ZDHHC14: variants seen among roughly 807,000 people sequenced by gnomAD.
ZDHHC14 encodes the protein palmitoyltransferase ZDHHC14.
ZDHHC14 carries 16 observed loss-of-function variants against 47.7 expected under a neutral mutation model. That is an observed-to-expected ratio of 0.34 (90% CI 0.23 to 0.51). The LOEUF (loss-of-function observed/expected upper bound fraction) is 0.51, where lower values mean the gene tolerates loss of function less well. Ranked by LOEUF, ZDHHC14 falls within the 20% of genes least tolerant of loss-of-function variation. ZDHHC14 has a pLI of 0.97. For missense variants in ZDHHC14, 515 were observed against 662.5 expected, an observed-to-expected ratio of 0.78 and a Z score of 2.44; for synonymous variants, 293 against 278.9, an observed-to-expected ratio of 1.05 and a Z score of -0.50.
chr6:157,387,108 G>T (rs923347285), intron 1 of ZDHHC14, among the ~76,000 whole-genome samples: 1 of 152,124 alleles, frequency 6.6e-6, no homozygotes, highest in Non-Finnish European at 1.5e-5. Context: ...ACTTGAAAAC[G>T]TGGGGACATT....
chr6:157,438,725 T>C (rs1316204629), intron 1 of ZDHHC14, among the ~76,000 whole-genome samples: 1 of 152,256 alleles, frequency 6.6e-6, no homozygotes, highest in Non-Finnish European at 1.5e-5. Flanking sequence ...GGCATTGTTT[T>C]TGAAATCCGA....
At position 157,632,961 on chromosome 6, in the gene ZDHHC14, A is replaced by G. The variant is rs571917966; in HGVS notation, c.752+79A>G. On this transcript the variant is annotated intron_variant, in intron 5 of 8. Transcript: ENST00000359775. ...TGACCTTCTGTGCGCACACCTCCTC[A>G]TCTTCTGCCCCGGCCTTGCTTCTCA... 3.6e-4 allele frequency: 520 copies of G among 1,445,102 alleles called. 1 individual carries two copies. The highest frequency in any genetic ancestry group is 1.4e-3 in the South Asian group (126 of 87,368). 89.5% of individuals were successfully genotyped at this position (1,445,102 alleles called of 1,614,324 possible).
At chr6:157,627,599 A>G (rs1165757663) in intron 3 of ZDHHC14, among the ~76,000 whole-genome samples, 1 of 152,216 alleles carries the variant, frequency 6.6e-6, no homozygotes, top group South Asian at 2.1e-4. Flanking sequence ...GATGATGCCC[A>G]TATCGGACCC....
At chr6:157,421,793 A>G (rs1399330236) in intron 1 of ZDHHC14, among the ~76,000 whole-genome samples, 1 of 152,032 alleles carries the variant, frequency 6.6e-6, no homozygotes, top group South Asian at 2.1e-4. Context: ...TTTTTAGTAG[A>G]GACGGGGTTT....
chr6:157,526,620 G>A (rs1327853179), intron 1 of ZDHHC14, among the ~76,000 whole-genome samples: 1 of 152,186 alleles, frequency 6.6e-6, no homozygotes, highest in Non-Finnish European at 1.5e-5. Flanking sequence ...TCACACACGA[G>A]TGTCTTCACA....
rs149138911 is a variant in ZDHHC14 at position 157,427,133 on chromosome 6, C to G, written c.245+44867C>G. On this transcript the variant is annotated intron_variant, in intron 1 of 8. Transcript: ENST00000359775. This position sits in a 1 kb window ranked among gnomAD's most constrained non-coding sequence, Gnocchi z 4.4. ...GAAGAGGGCGTGCAGGGCGGAGGGA[C>G]AAGGCTCAGGCGTAGACCTGGAGGG... Among the ~76,000 whole-genome samples, 5 of 151,790 alleles carry G rather than the reference C, an allele frequency of 3.3e-5. No homozygotes were observed. Among genetic ancestry groups the G allele is most frequent in the Non-Finnish European group, 7.4e-5 (5 of 67,916 alleles).
chr6:157,533,237 G>A (rs902821783), intron 1 of ZDHHC14, among the ~76,000 whole-genome samples: 1 of 152,174 alleles, frequency 6.6e-6, no homozygotes, highest in African/African-American at 2.4e-5. Flanking sequence ...GAACCAAGCA[G>A]ATACACGTCC....
In ZDHHC14 at chr6:157,404,653, G is replaced by A. The variant is rs546670537; in HGVS notation, c.245+22387G>A. On this transcript the variant is annotated intron_variant, in intron 1 of 8. Coordinates refer to ENST00000359775, the MANE Select transcript of ZDHHC14 (RefSeq NM_024630.3). ...TGACCGTTTCCTAGCAATGAGTCAA[G>A]GACAGAAAGTCCCTGGGGCAGGTGG... Among the ~76,000 whole-genome samples, 40 of 152,282 alleles carry A rather than the reference G, an allele frequency of 2.6e-4. 1 individual carries two copies. In the South Asian group the frequency reaches 8.3e-3, roughly 32 times the overall value.
chr6:157,627,785 G>A (rs571098431), intron 3 of ZDHHC14, among the ~76,000 whole-genome samples: 1 of 152,288 alleles, frequency 6.6e-6, no homozygotes, highest in South Asian at 2.1e-4. Context: ...TAACACCATC[G>A]TTTTCTTCAT....
chr6:157,416,972 G>GTTTGT (rs1777988757), intron 1 of ZDHHC14, among the ~76,000 whole-genome samples: 1 of 45,560 alleles, frequency 2.2e-5, no homozygotes, highest in Non-Finnish European at 3.5e-5. Flanking sequence ...TGCCTGGCTA[G>GTTTGT]TTTTTTTTTT....
At chr6:157,394,062 C>A (rs1221596454) in intron 1 of ZDHHC14, among the ~76,000 whole-genome samples, 2 of 152,208 alleles carry the variant, frequency 1.3e-5, no homozygotes, top group Non-Finnish European at 2.9e-5. Flanking sequence ...CCTGCAGTTT[C>A]TTCTCAATAG....
chr6:157,624,048 T>C (rs908638455), intron 3 of ZDHHC14, among the ~76,000 whole-genome samples: 1 of 152,222 alleles, frequency 6.6e-6, no homozygotes, highest in African/African-American at 2.4e-5. Context: ...ACAGAAAGTA[T>C]AGAAATAATA....
At chr6:157,439,735 G>A (rs929760705) in intron 1 of ZDHHC14, among the ~76,000 whole-genome samples, 4 of 152,036 alleles carry the variant, frequency 2.6e-5, no homozygotes, top group African/African-American at 4.8e-5. Context: ...CACTATTCAC[G>A]ATAGCAAAGA....
chr6:157,475,317 T>C (rs1373053599), intron 1 of ZDHHC14, among the ~76,000 whole-genome samples: 1 of 152,128 alleles, frequency 6.6e-6, no homozygotes, highest in Non-Finnish European at 1.5e-5. Context: ...GATGCCTCCA[T>C]CTTTTTTTGC....
At chr6:157,395,149 G>T (rs1404107060) in intron 1 of ZDHHC14, among the ~76,000 whole-genome samples, 1 of 150,034 alleles carries the variant, frequency 6.7e-6, no homozygotes, top group Non-Finnish European at 1.5e-5. Context: ...CTCACTCCTT[G>T]TCTCTATTTT....
At chr6:157,583,120 C>T (rs1452822310) in intron 2 of ZDHHC14, among the ~76,000 whole-genome samples, 1 of 151,978 alleles carries the variant, frequency 6.6e-6, no homozygotes, top group East Asian at 1.9e-4. Context: ...GCTTCTGTAT[C>T]ATTTTATTGC....
At chr6:157,414,210 C>T (rs1173677946) in intron 1 of ZDHHC14, among the ~76,000 whole-genome samples, 1 of 152,144 alleles carries the variant, frequency 6.6e-6, no homozygotes, top group East Asian at 1.9e-4. Context: ...AGGCGTGCAC[C>T]ACCATGCGCA....
In ZDHHC14 at chr6:157,586,682, G is replaced by T. The variant is rs112794362; in HGVS notation, c.407-6306G>T. ...CCCTCCCAGGACCCCAGCGGCCCTC[G>T]GCAACCCCTGGTGCAGCACCGGCTT... On this transcript the variant is annotated intron_variant, in intron 2 of 8. Coordinates refer to ENST00000359775, the MANE Select transcript of ZDHHC14 (RefSeq NM_024630.3). The surrounding 1 kb of genome is among the most constrained non-coding windows in gnomAD (Gnocchi z 4.6). Among the ~76,000 whole-genome samples the T allele has an allele frequency of 0.07, 10,314 of 147,722 alleles. 688 individuals are homozygous for T. Among genetic ancestry groups the T allele is most frequent in the African/African-American group, 0.17 (7,011 of 41,296 alleles).
intron 1 of ZDHHC14, among the ~76,000 whole-genome samples, chr6:157,408,119 A>G (rs1213894019): frequency 6.6e-6 from 1 of 152,212 alleles, no homozygotes; most frequent in South Asian, 2.1e-4. Flanking sequence ...TGTTTTATAC[A>G]TCAGTTTTAG....
Sources: gnomAD v4.1 joint callset for allele counts (sites outside exome capture counted in the v4.1 genomes callset) on GRCh38, gnomAD v4.1.1 for gene constraint, Gnocchi (gnomAD v3.1) non-coding constraint, MANE v1.5 for transcripts, NCBI Gene and HGNC (gene_info 2026-07-23, HGNC 2026-07-21) for gene names.